The following PPP1R27 variants were observed in gnomAD, a reference collection of about 807,000 sequenced individuals.
PPP1R27 encodes the protein protein phosphatase 1 regulatory subunit 27.
PPP1R27 carries 10 observed loss-of-function variants against 12.0 expected under a neutral mutation model. That is an observed-to-expected ratio of 0.84 (90% CI 0.52 to 1.42). The LOEUF (loss-of-function observed/expected upper bound fraction) is 1.42, where lower values mean the gene tolerates loss of function less well. Among genes scored for constraint, PPP1R27 ranks in the 40% most tolerant of loss-of-function variants. The probability of loss-of-function intolerance (pLI) is 0.00; values close to 1 mark genes in which losing one functional copy is unlikely to be tolerated. For missense variants in PPP1R27, 246 were observed against 215.3 expected (o/e 1.14, Z -0.89); for synonymous variants, 98 against 89.3 (o/e 1.10, Z -0.55).
intron 2 of PPP1R27, 112 bp downstream of exon 2, chr17:81,834,391 C>T: frequency 7.8e-7 from 1 of 1,285,182 alleles, no homozygotes; most frequent in South Asian, 1.4e-5. Flanking sequence ...CCCCCAGCCT[C>T]TAGGGTTCTT....
intron 2 of PPP1R27, chr17:81,834,281 A>G (rs1337497724): frequency 1.4e-5 from 8 of 552,864 alleles, no homozygotes; most frequent in African/African-American, 3.8e-5. Flanking sequence ...TTGTATTTTT[A>G]GTAGTGAGAG....
In PPP1R27 at chr17:81,835,015, C is replaced by T; in HGVS notation, c.-62G>A. 6.9e-7 allele frequency: 1 copy of T among 1,445,010 alleles called. No homozygotes were observed. The highest frequency in any genetic ancestry group is 1.4e-5 in the South Asian group (1 of 71,050). The allele number at this position is 1,445,010 out of a possible 1,614,324, so 89.5% of individuals were successfully genotyped here. On this transcript the variant is annotated 5_prime_UTR_variant, in exon 1 of 3. Coordinates refer to ENST00000330261, the MANE Select transcript of PPP1R27 (RefSeq NM_001007533.4). ...TACTGCACTGGGGTTAATAATGTAT[C>T]CGGTCCCGACCAGATCAGCTTGAGG...
chr17:81,834,564 C>T lies in PPP1R27; in HGVS notation c.280G>A (p.Asp94Asn). The T allele has an allele frequency of 6.2e-7, 1 of 1,614,210 alleles. No individual in the cohort carries two copies. The highest frequency in any genetic ancestry group is 8.5e-7 in the Non-Finnish European group (1 of 1,180,032). ...TGCAGGGGTGTCCAGCCCGCCTCAT[C>T]TCGCTGGTGAATGTCAGCCCCGTAT... ...VKYGADIHQR[D>N]EAGWTPLHIA... The change falls in exon 2 of 3, where the codon GAT (aspartate) becomes AAT (asparagine). Residue 94 changes from aspartate to asparagine, a missense_variant. Physicochemically the swap from Asp to Asn is conservative, Grantham distance 23. Coordinates refer to ENST00000330261, the MANE Select transcript of PPP1R27 (RefSeq NM_001007533.4).
rs2038572482 is a variant in PPP1R27 at position 81,833,689 on chromosome 17, G to A, written c.*40C>T. The A allele has an allele frequency of 2.0e-6, 3 of 1,537,988 alleles. No individual in the cohort carries two copies. The South Asian group carries it at 3.6e-5, about 18-fold the overall frequency. ...ATGGGCGACGCGCGGCTTCTCCAGGGAGGCGGCCCTGGGCGCGGGGGCGGG... is the reference window on the plus strand; with the variant it reads ...ATGGGCGACGCGCGGCTTCTCCAGGAAGGCGGCCCTGGGCGCGGGGGCGGG... On this transcript the variant is annotated 3_prime_UTR_variant, in exon 3 of 3. Coordinates refer to ENST00000330261, the MANE Select transcript of PPP1R27 (RefSeq NM_001007533.4).
In PPP1R27 at chr17:81,834,937, G is replaced by T; in HGVS notation, c.17C>A (p.Ala6Asp). 6.2e-7 allele frequency: 1 copy of T among 1,607,584 alleles called. No homozygotes were observed. Reference sequence around the variant, plus strand: ...CCGTGGGCTGTAGCGGGCATAGCGGGCAGTTCTGCTAGGCATCTTGGGCGC... The same window carrying T: ...CCGTGGGCTGTAGCGGGCATAGCGGTCAGTTCTGCTAGGCATCTTGGGCGC... MPSRT[A>D]RYARYSPRQR... The change falls in exon 1 of 3, where the codon GCC becomes GAC. Residue 6 changes from alanine to aspartate, a missense_variant. Transcript: ENST00000330261.
intron 2 of PPP1R27, 36 bp downstream of exon 2, chr17:81,834,467 C>A: frequency 6.2e-7 from 1 of 1,604,534 alleles, no homozygotes; most frequent in East Asian, 2.2e-5. Context: ...CCGGAGGGGT[C>A]GGGTTCAAGC....
chr17:81,834,085 G>C, intron 2 of PPP1R27: 1 of 526,414 alleles, frequency 1.9e-6, no homozygotes, highest in Non-Finnish European at 3.3e-6. Context: ...AGCCTCTAGG[G>C]TTTGCAGGGT....
chr17:81,833,601 G>T lies in PPP1R27; in HGVS notation c.*128C>A. On this transcript the variant is annotated 3_prime_UTR_variant, in exon 3 of 3. Transcript: ENST00000330261. ...GGACAAAGCCAGGCCTAGGAGGGGT[G>T]GCGGGGTCGTGGAGGGACGGGTCCG... 1 of 935,200 alleles carries T rather than the reference G, an allele frequency of 1.1e-6. No homozygotes were observed. Among genetic ancestry groups the T allele is most frequent in the Non-Finnish European group, 1.5e-6 (1 of 645,704 alleles). 57.9% of individuals were successfully genotyped at this position (935,200 alleles called of 1,614,324 possible).
In PPP1R27 at chr17:81,835,045, C is replaced by T. The variant is rs2038598089; in HGVS notation, c.-92G>A. 1 of 1,323,386 alleles carries T rather than the reference C, an allele frequency of 7.6e-7. No homozygotes were observed. Among genetic ancestry groups the T allele is most frequent in the Non-Finnish European group, 1.0e-6 (1 of 995,484 alleles). 82.0% of individuals were successfully genotyped at this position (1,323,386 alleles called of 1,614,324 possible). On this transcript the variant is annotated 5_prime_UTR_variant, in exon 1 of 3. Coordinates refer to ENST00000330261, the MANE Select transcript of PPP1R27 (RefSeq NM_001007533.4). ...CCCGACCAGATCAGCTTGAGGGCTC[C>T]TGTCGGACGAGCCCCGGCCTCTGAC...
chr17:81,833,987 G>T, intron 2 of PPP1R27, 135 bp from the exon 3 acceptor site: 1 of 1,014,748 alleles, frequency 9.9e-7, no homozygotes, highest in Non-Finnish European at 1.4e-6. Flanking sequence ...CGGGTAGGGT[G>T]AGGAGGAAGA....
Position 81,834,523 on chromosome 17 carries a change from A to T in PPP1R27, c.321T>A (p.Asp107Glu), listed in dbSNP as rs368775034. The T allele has an allele frequency of 1.5e-5, 24 of 1,613,938 alleles. No homozygotes were observed. Among genetic ancestry groups the T allele is most frequent in the Non-Finnish European group, 1.9e-5 (22 of 1,180,000 alleles). Residue 107 changes from aspartate (D) to glutamate (E), a missense_variant, in exon 2 of 3, where the codon GAT (aspartate) becomes GAA (glutamate). Physicochemically the swap from Asp to Glu is conservative, Grantham distance 45 (BLOSUM62 2). Coordinates refer to ENST00000330261, the MANE Select transcript of PPP1R27 (RefSeq NM_001007533.4). The stretch of plus-strand genomic sequence containing the variant: ...CTCACCTGGCTATGTCAGGGTACCC[A>T]TCGCTGCAGGCAATGTGCAGGGGTG... The part of the protein sequence containing the change: ...GWTPLHIACS[D>E]GYPDIARYLI...
intron 1 of PPP1R27, 41 bp downstream of exon 1, chr17:81,834,723 C>T (rs1162006409): frequency 3.7e-6 from 6 of 1,609,490 alleles, no homozygotes; most frequent in Non-Finnish European, 4.2e-6. Context: ...CCTCTCCCAC[C>T]ACCCCACAGG....
Position 81,834,926 on chromosome 17 carries a change from G to T in PPP1R27, c.28C>A (p.Arg10Ser). ...CGCCGCCGCTGCCGTGGGCTGTAGC[G>T]GGCATAGCGGGCAGTTCTGCTAGGC... MPSRTARYA[R>S]YSPRQRRRRM... The change falls in exon 1 of 3, where the codon CGC (arginine) becomes AGC (serine). Residue 10 changes from arginine (R) to serine (S), a missense_variant. By Grantham distance (110) the Arg-to-Ser change is moderately radical (BLOSUM62 -1). Coordinates refer to ENST00000330261, the MANE Select transcript of PPP1R27 (RefSeq NM_001007533.4). The T allele has an allele frequency of 1.2e-6, 2 of 1,609,508 alleles. No homozygotes were observed. The highest frequency in any genetic ancestry group is 1.7e-6 in the Non-Finnish European group (2 of 1,178,300).
chr17:81,833,550 A>C lies in PPP1R27; in HGVS notation c.*179T>G. On this transcript the variant is annotated 3_prime_UTR_variant, in exon 3 of 3. Transcript: ENST00000330261. ...AGTCACGTTTATTGAAAAAGTAAAA[A>C]GTGTCACAGTAAAAAATTCACCTGG... The C allele has an allele frequency of 1.6e-6, 1 of 614,698 alleles. No individual in the cohort carries two copies. The highest frequency in any genetic ancestry group is 2.8e-6 in the Non-Finnish European group (1 of 360,358). 38.1% of individuals were successfully genotyped at this position (614,698 alleles called of 1,614,324 possible).
At position 81,834,647 on chromosome 17, in the gene PPP1R27, G is replaced by T; in HGVS notation, c.197C>A (p.Ala66Asp). The change falls in exon 2 of 3, where the codon GCC (alanine) becomes GAC (aspartate). Residue 66 changes from alanine to aspartate, a missense_variant. Ala to Asp is a moderately radical substitution (Grantham distance 126). Coordinates refer to ENST00000330261, the MANE Select transcript of PPP1R27 (RefSeq NM_001007533.4). ...AGAGAGCACGGCTTCATGCAAGGCG[G>T]CCAGGCCTGGGCAGGGAGGACGGGA... The part of the protein sequence containing the change: ...SLATIHPSGL[A>D]ALHEAVLSGN... 6.2e-7 allele frequency: 1 copy of T among 1,614,056 alleles called. No individual in the cohort carries two copies. Among genetic ancestry groups the T allele is most frequent in the Non-Finnish European group, 8.5e-7 (1 of 1,180,000 alleles).
At chr17:81,834,455 G>T (rs771688889) in intron 2 of PPP1R27, 48 bp downstream of exon 2, 1 of 1,597,884 alleles carries the variant, frequency 6.3e-7, no homozygotes, top group Non-Finnish European at 8.5e-7. Flanking sequence ...ACCCACTGAG[G>T]CCCGGAGGGG....
Position 81,833,793 on chromosome 17 carries a change from G to C in PPP1R27, c.401C>G (p.Ser134Cys). 1 of 1,564,680 alleles carries C rather than the reference G, an allele frequency of 6.4e-7. No homozygotes were observed. Among genetic ancestry groups the C allele is most frequent in the Non-Finnish European group, 8.7e-7 (1 of 1,154,382 alleles). ...CTTGTAGTCCGGGTCGATGAGGTCG[G>C]AGGGCAGGTCGCCATCGTCGTTGGT... ...DATNDDGDLP[S>C]DLIDPDYKEL... Residue 134 changes from serine (S) to cysteine (C), a missense_variant, in exon 3 of 3, where the codon TCC becomes TGC. Ser to Cys is a moderately radical substitution (Grantham distance 112). Coordinates refer to ENST00000330261, the MANE Select transcript of PPP1R27 (RefSeq NM_001007533.4).
In PPP1R27 at chr17:81,835,034, C is replaced by T. The variant is rs1251105979; in HGVS notation, c.-81G>A. 1 of 1,382,048 alleles carries T rather than the reference C, an allele frequency of 7.2e-7. No homozygotes were observed. The highest frequency in any genetic ancestry group is 9.6e-7 in the Non-Finnish European group (1 of 1,046,474). 85.6% of individuals were successfully genotyped at this position (1,382,048 alleles called of 1,614,324 possible). A position where few individuals can be genotyped will look rare whatever the true frequency, so the allele number is the denominator to read the frequency against. The stretch of plus-strand genomic sequence containing the variant: ...ATGTATCCGGTCCCGACCAGATCAG[C>T]TTGAGGGCTCCTGTCGGACGAGCCC... On this transcript the variant is annotated 5_prime_UTR_variant, in exon 1 of 3. Coordinates refer to ENST00000330261, the MANE Select transcript of PPP1R27 (RefSeq NM_001007533.4).
At position 81,833,774 on chromosome 17, in the gene PPP1R27, G is replaced by T; in HGVS notation, c.420C>A (p.Asp140Glu). The change falls in exon 3 of 3, where the codon GAC (aspartate) becomes GAA (glutamate). Residue 140 changes from aspartate (D) to glutamate (E), a missense_variant. Physicochemically the swap from Asp to Glu is conservative, Grantham distance 45 (BLOSUM62 2). Transcript: ENST00000330261. ...TGAAGAGCTCCACCAGCTCCTTGTA[G>T]TCCGGGTCGATGAGGTCGGAGGGCA... ...GDLPSDLIDP[D>E]YKELVELFKG... 1 of 1,556,020 alleles carries T rather than the reference G, an allele frequency of 6.4e-7. No individual in the cohort carries two copies. The highest frequency in any genetic ancestry group is 8.7e-7 in the Non-Finnish European group (1 of 1,149,634).
Sources: gnomAD v4.1 joint callset for allele counts on GRCh38, gnomAD v4.1.1 for gene constraint, MANE v1.5 for transcripts, NCBI Gene and HGNC (gene_info 2026-07-23, HGNC 2026-07-21) for gene names.